The following GRIN2A variants were observed in gnomAD, a reference collection of about 807,000 sequenced individuals.
GRIN2A encodes the protein glutamate ionotropic receptor NMDA type subunit 2A.
A neutral mutation model predicts 113.4 loss-of-function variants in GRIN2A; 22 were observed. The observed-to-expected ratio is 0.19, with a 90% CI of 0.14 to 0.28. The LOEUF is 0.28. Ranked by LOEUF, GRIN2A falls within the 10% of genes least tolerant of loss-of-function variation. The pLI is 1.00. For missense variants in GRIN2A, 1,502 were observed against 1,887.0 expected (o/e 0.80, Z 3.78); for synonymous variants, 827 against 738.4 (o/e 1.12, Z -1.94).
chr16:10,011,329 G>A (rs774200549), intron 2 of GRIN2A, among the ~76,000 whole-genome samples: 1 of 152,224 alleles, frequency 6.6e-6, no homozygotes, highest in Non-Finnish European at 1.5e-5. Flanking sequence ...TAAGGTACCT[G>A]TGGGATTGCC....
chr16:10,119,560 C>A (rs140041908), intron 2 of GRIN2A, among the ~76,000 whole-genome samples: 90 of 152,230 alleles, frequency 5.9e-4, no homozygotes, highest in African/African-American at 2.1e-3. Context: ...TGGTTCTCAA[C>A]AGGGAAAGAT....
At chr16:10,001,985 A>G (rs998589345) in intron 2 of GRIN2A, among the ~76,000 whole-genome samples, 1 of 152,216 alleles carries the variant, frequency 6.6e-6, no homozygotes, top group African/African-American at 2.4e-5. Context: ...TCTGGCATTT[A>G]GTTTACCCTG....
At chr16:9,821,124 G>A (rs1260595455) in intron 10 of GRIN2A, among the ~76,000 whole-genome samples, 1 of 151,966 alleles carries the variant, frequency 6.6e-6, no homozygotes, top group Non-Finnish European at 1.5e-5. Flanking sequence ...TGGGCTTGCC[G>A]AACAGCCGAA....
chr16:10,086,394 T>C (rs1596490574), intron 2 of GRIN2A, among the ~76,000 whole-genome samples: 1 of 152,112 alleles, frequency 6.6e-6, no homozygotes, highest in East Asian at 1.9e-4. Flanking sequence ...ATCTTCTCAC[T>C]TCCCCTGAGG....
Position 9,997,888 on chromosome 16 carries a change from C to G in GRIN2A, c.415-59337G>C, listed in dbSNP as rs145135676. Reference sequence around the variant, plus strand: ...CCTTTGTTCCTGCTTTACCTTCCACCATGATTGTGAGGCCTCCCCAGCCAT... The same window carrying G: ...CCTTTGTTCCTGCTTTACCTTCCACGATGATTGTGAGGCCTCCCCAGCCAT... On this transcript the variant is annotated intron_variant, in intron 2 of 12. Coordinates refer to ENST00000330684, the MANE Select transcript of GRIN2A (RefSeq NM_001134407.3). Among the ~76,000 whole-genome samples the G allele has an allele frequency of 4.5e-3, 681 of 152,306 alleles. 8 individuals are homozygous for G. Among genetic ancestry groups the G allele is most frequent in the African/African-American group, 0.015 (630 of 41,566 alleles).
intron 3 of GRIN2A, among the ~76,000 whole-genome samples, chr16:9,913,246 G>A (rs1230888468): frequency 6.6e-6 from 1 of 152,178 alleles, no homozygotes; most frequent in African/African-American, 2.4e-5. Flanking sequence ...CAGTTCTTGG[G>A]TCACTCCTTA....
At chr16:10,078,029 T>C (rs995509241) in intron 2 of GRIN2A, among the ~76,000 whole-genome samples, 1 of 152,196 alleles carries the variant, frequency 6.6e-6, no homozygotes, top group Non-Finnish European at 1.5e-5. Flanking sequence ...CAAAATGCGG[T>C]TGTGGTAAGG....
intron 2 of GRIN2A, among the ~76,000 whole-genome samples, chr16:10,133,796 A>C (rs563976033): frequency 6.6e-6 from 1 of 152,290 alleles, no homozygotes; most frequent in East Asian, 1.9e-4. Flanking sequence ...GCAATTGTGG[A>C]ACAGGCATGG....
intron 2 of GRIN2A, among the ~76,000 whole-genome samples, chr16:10,081,465 G>A (rs1487995997): frequency 2.6e-5 from 4 of 152,136 alleles, no homozygotes; most frequent in Non-Finnish European, 4.4e-5. Flanking sequence ...AGTGTCTAGT[G>A]GCTGGAAATG....
At chr16:9,912,675 C>G (rs1057416305) in intron 3 of GRIN2A, among the ~76,000 whole-genome samples, 2 of 152,080 alleles carry the variant, frequency 1.3e-5, no homozygotes, top group African/African-American at 4.8e-5. Context: ...TAAAAATACT[C>G]ATATGGAGTA....
At position 10,138,068 on chromosome 16, in the gene GRIN2A, C is replaced by G. The variant is rs539678385; in HGVS notation, c.414+41930G>C. On this transcript the variant is annotated intron_variant, in intron 2 of 12. Transcript: ENST00000330684. ...GACCATATGAATCCACTCCTAGACC[C>G]TAGTTCTGTCATCACCAAGGTGGGC... is the stretch of plus-strand genomic sequence containing the variant. Among the ~76,000 whole-genome samples, 3 of 152,304 alleles carry G rather than the reference C, an allele frequency of 2.0e-5. No individual in the cohort carries two copies. The East Asian group carries it at 5.8e-4, about 29-fold the overall frequency.
At chr16:9,815,413 CAAAAAAAAAA>C (rs71157786) in intron 10 of GRIN2A, among the ~76,000 whole-genome samples, 2 of 111,920 alleles carry the variant, frequency 1.8e-5, no homozygotes, top group South Asian at 6.1e-4. Context: ...TAACAACAAC[CAAAAAAAAAA>C]AAAAAAAGAA....
At chr16:10,141,592 G>A (rs1261408951) in intron 2 of GRIN2A, among the ~76,000 whole-genome samples, 1 of 152,212 alleles carries the variant, frequency 6.6e-6, no homozygotes, top group Non-Finnish European at 1.5e-5. Context: ...TAGCCAGGCT[G>A]GAAGATTCCT....
chr16:10,179,108 C>T (rs1428843041), intron 2 of GRIN2A, among the ~76,000 whole-genome samples: 1 of 152,148 alleles, frequency 6.6e-6, no homozygotes, highest in Admixed American at 6.5e-5. Flanking sequence ...ATCTTCAAAT[C>T]TCTCTCCCTT....
chr16:9,844,866 C>T (rs758916083), intron 5 of GRIN2A, among the ~76,000 whole-genome samples: 3 of 152,136 alleles, frequency 2.0e-5, no homozygotes, highest in Non-Finnish European at 4.4e-5. Flanking sequence ...TCTTTATCAC[C>T]CAACTAACAG....
chr16:10,123,568 T>C (rs1033441623), intron 2 of GRIN2A, among the ~76,000 whole-genome samples: 2 of 152,152 alleles, frequency 1.3e-5, no homozygotes, highest in African/African-American at 4.8e-5. Context: ...ATAGAATTTC[T>C]GGGGCAGTTC....
intron 2 of GRIN2A, chr16:10,031,676 A>C (rs1342470602): frequency 6.6e-6 from 1 of 152,290 alleles, no homozygotes; most frequent in Non-Finnish European, 1.5e-5. Flanking sequence ...TGGCCACCAG[A>C]GGATGCTTCT....
intron 2 of GRIN2A, among the ~76,000 whole-genome samples, chr16:10,172,795 A>G (rs8055143): frequency 0.98 from 149,409 of 152,338 alleles, 73,331 homozygotes; most frequent in East Asian, 1. Flanking sequence ...AAGATCAAGG[A>G]TGGGGGATGC....
chr16:9,981,637 C>G (rs1319289105), intron 2 of GRIN2A, among the ~76,000 whole-genome samples: 3 of 152,104 alleles, frequency 2.0e-5, no homozygotes, highest in Non-Finnish European at 4.4e-5. Context: ...CATCACAATA[C>G]CATCATCACA....
Sources: gnomAD v4.1 joint callset for allele counts (sites outside exome capture counted in the v4.1 genomes callset) on GRCh38, gnomAD v4.1.1 for gene constraint, MANE v1.5 for transcripts, NCBI Gene and HGNC (gene_info 2026-07-23, HGNC 2026-07-21) for gene names.